Variants in ZFAND3 observed in about 807,000 individuals in gnomAD.
The protein encoded by ZFAND3 is AN1-type zinc finger protein 3.
In ZFAND3, 10 loss-of-function variants were observed where a neutral mutation model predicts 29.6. The observed-to-expected ratio is 0.34, with a 90% CI of 0.21 to 0.57. The LOEUF is 0.57. Among genes scored for constraint, ZFAND3 ranks in the 20% least tolerant of loss-of-function variants. The probability of loss-of-function intolerance (pLI) is 0.86; values close to 1 mark genes in which losing one functional copy is unlikely to be tolerated. For missense variants in ZFAND3, 230 were observed against 304.5 expected, an observed-to-expected ratio of 0.76 and a Z score of 1.82; for synonymous variants, 128 against 112.6, an observed-to-expected ratio of 1.14 and a Z score of -0.87.
chr6:37,920,843 T>C (rs1761363774), intron 1 of ZFAND3, among the ~76,000 whole-genome samples: 1 of 152,196 alleles, frequency 6.6e-6, no homozygotes, highest in South Asian at 2.1e-4. Context: ...GGATGTCATC[T>C]GTTTGAACTG....
At chr6:37,924,416 C>T (rs1761444439) in intron 1 of ZFAND3, among the ~76,000 whole-genome samples, 2 of 151,028 alleles carry the variant, frequency 1.3e-5, no homozygotes, top group South Asian at 4.2e-4. Flanking sequence ...CAAGAGTGAC[C>T]AAAGGAGTCT....
At chr6:38,105,521 AG>A (rs1765190643) in intron 4 of ZFAND3, among the ~76,000 whole-genome samples, 1 of 152,248 alleles carries the variant, frequency 6.6e-6, no homozygotes, top group Non-Finnish European at 1.5e-5. Flanking sequence ...GAAATGAAGA[AG>A]AAATTAGTTT....
At chr6:38,043,087 A>C (rs2043247159) in intron 2 of ZFAND3, among the ~76,000 whole-genome samples, 1 of 152,218 alleles carries the variant, frequency 6.6e-6, no homozygotes, top group East Asian at 1.9e-4. Flanking sequence ...ATAAGTGTGC[A>C]TAATAAATAT....
chr6:37,993,221 T>C (rs1762790285), intron 2 of ZFAND3, among the ~76,000 whole-genome samples: 2 of 152,216 alleles, frequency 1.3e-5, no homozygotes, highest in South Asian at 4.1e-4. Context: ...ATGTCACATT[T>C]TGTTTTTGTC....
At chr6:38,121,316 A>G (rs10755700) in intron 5 of ZFAND3, among the ~76,000 whole-genome samples, 106,016 of 152,162 alleles carry the variant, frequency 0.7, 37,487 homozygotes, top group African/African-American at 0.77. Flanking sequence ...GTTCGAGGCT[A>G]CAGTGAGTCT....
At chr6:37,822,266 G>A (rs1170579823) in intron 1 of ZFAND3, among the ~76,000 whole-genome samples, 1 of 152,188 alleles carries the variant, frequency 6.6e-6, no homozygotes, top group Non-Finnish European at 1.5e-5. Flanking sequence ...TTTTCAGTCT[G>A]ATACTTTTTA....
At chr6:37,850,197 G>A (rs1196802403) in intron 1 of ZFAND3, among the ~76,000 whole-genome samples, 1 of 152,196 alleles carries the variant, frequency 6.6e-6, no homozygotes, top group African/African-American at 2.4e-5. Context: ...ATAACCAGAA[G>A]CAGGATGGTT....
chr6:38,072,152 CTCTCTCTCTG>C (rs932412693), intron 3 of ZFAND3, among the ~76,000 whole-genome samples: 18 of 151,820 alleles, frequency 1.2e-4, no homozygotes, highest in Non-Finnish European at 2.1e-4. Context: ...CTCTCTCTCT[CTCTCTCTCTG>C]TCTCTGTCTC....
intron 2 of ZFAND3, among the ~76,000 whole-genome samples, chr6:37,951,372 C>CA (rs1486174682): frequency 6.6e-6 from 1 of 152,136 alleles, no homozygotes; most frequent in Non-Finnish European, 1.5e-5. Context: ...ACAGGCGAAT[C>CA]ACGAGGTCAG....
intron 4 of ZFAND3, among the ~76,000 whole-genome samples, chr6:38,089,476 C>G (rs578134171): frequency 5.4e-4 from 82 of 152,234 alleles, no homozygotes; most frequent in Non-Finnish European, 1.1e-3. Flanking sequence ...TTTCTTCTTG[C>G]AAAGACGAGA....
chr6:38,008,539 G>A (rs1763089785), intron 2 of ZFAND3, among the ~76,000 whole-genome samples: 2 of 152,126 alleles, frequency 1.3e-5, no homozygotes, highest in South Asian at 2.1e-4. Flanking sequence ...AGCAGTTTGA[G>A]TGCTCTATTT....
intron 3 of ZFAND3, among the ~76,000 whole-genome samples, chr6:38,077,370 A>G (rs905248793): frequency 6.6e-6 from 1 of 152,184 alleles, no homozygotes; most frequent in Non-Finnish European, 1.5e-5. Context: ...TTAAAAACGG[A>G]TGATGCATTT....
At chr6:37,864,951 G>A (rs920107002) in intron 1 of ZFAND3, among the ~76,000 whole-genome samples, 3 of 152,094 alleles carry the variant, frequency 2.0e-5, no homozygotes, top group Non-Finnish European at 2.9e-5. Flanking sequence ...AGGCCAAGGC[G>A]GGCAGATCAC....
intron 1 of ZFAND3, among the ~76,000 whole-genome samples, chr6:37,861,946 T>C (rs1312014827): frequency 6.6e-6 from 1 of 152,264 alleles, no homozygotes; most frequent in Non-Finnish European, 1.5e-5. Context: ...CATTTTCTTA[T>C]AATCTTTCCC....
intron 5 of ZFAND3, among the ~76,000 whole-genome samples, chr6:38,138,574 C>T (rs776076491): frequency 1.3e-5 from 2 of 152,202 alleles, no homozygotes; most frequent in South Asian, 2.1e-4. Context: ...CCTTTCTCTT[C>T]CATCAGTATG....
At chr6:38,019,013 A>G (rs559414024) in intron 2 of ZFAND3, among the ~76,000 whole-genome samples, 11 of 152,228 alleles carry the variant, frequency 7.2e-5, no homozygotes, top group South Asian at 2.1e-4. Flanking sequence ...CTCAGGCTGA[A>G]GTGCAGTGGC....
At position 37,947,358 on chromosome 6, in the gene ZFAND3, T is replaced by C. The variant is rs1168193100; in HGVS notation, c.112+17359T>C. ...ATGATGCCATAACAGGCATAATTTA[T>C]ATTATTTATATGATTAAATTAAAAA... On this transcript the variant is annotated intron_variant, in intron 2 of 5. Transcript: ENST00000287218. Among the ~76,000 whole-genome samples, 6 of 152,156 alleles carry C rather than the reference T, an allele frequency of 3.9e-5. No homozygotes were observed. In the East Asian group the frequency reaches 1.2e-3, roughly 29 times the overall value.
intron 2 of ZFAND3, among the ~76,000 whole-genome samples, chr6:38,028,516 T>G (rs1171125808): frequency 6.6e-6 from 1 of 152,126 alleles, no homozygotes; most frequent in East Asian, 1.9e-4. Context: ...TTGCTTGTAT[T>G]TATTGTCTAG....
chr6:38,124,667 C>T (rs996636199), intron 5 of ZFAND3, among the ~76,000 whole-genome samples: 6 of 152,298 alleles, frequency 3.9e-5, no homozygotes, highest in Non-Finnish European at 7.4e-5. Context: ...CCATAAGCGC[C>T]GCGCGCAGCC....
Sources: allele counts gnomAD v4.1 joint callset (sites outside exome capture counted in the v4.1 genomes callset), GRCh38; gene constraint gnomAD v4.1.1; transcripts MANE v1.5; gene names NCBI Gene and HGNC (gene_info 2026-07-23, HGNC 2026-07-21).